The following NR2E3 variants were observed in gnomAD, a reference collection of about 807,000 sequenced individuals.
NR2E3 encodes nuclear receptor subfamily 2 group E member 3, also known as photoreceptor-specific nuclear receptor.
In NR2E3, 38 loss-of-function variants were observed where a neutral mutation model predicts 37.6. The observed-to-expected ratio is 1.01, with a 90% CI of 0.78 to 1.33. The LOEUF is 1.33. Ranked by LOEUF, NR2E3 falls within the 40% of genes most tolerant of loss-of-function variation. NR2E3 has a pLI of 0.00. For missense variants in NR2E3, 562 were observed against 558.7 expected (o/e 1.01, Z -0.06); for synonymous variants, 235 against 225.1 (o/e 1.04, Z -0.39).
chr15:71,813,328 C>T lies in NR2E3; in HGVS notation c.748-61C>T. 6.4e-7 allele frequency: 1 copy of T among 1,574,420 alleles called. No homozygotes were observed. The highest frequency in any genetic ancestry group is 2.3e-5 in the East Asian group (1 of 43,116). Reference sequence around the variant, plus strand: ...TGGGTGCCTGAGATGGTGGCAGAGGCTCCAGACTGAGCCAGAGAAGCTGTG... The same window carrying T: ...TGGGTGCCTGAGATGGTGGCAGAGGTTCCAGACTGAGCCAGAGAAGCTGTG... On this transcript the variant is annotated intron_variant, in intron 5 of 7. Transcript: ENST00000617575. This position sits in a 1 kb window ranked among gnomAD's most constrained non-coding sequence, Gnocchi z 4.7.
Position 71,813,646 on chromosome 15 carries a change from C to T in NR2E3, c.994+11C>T. ...TCCTCTTCAAGCCAGGTAACTGAGT[C>T]TCTGCCCAAACCTTGAGTGGGAATT... On this transcript the variant is annotated intron_variant, in intron 6 of 7. Transcript: ENST00000617575. This position sits in a 1 kb window ranked among gnomAD's most constrained non-coding sequence, Gnocchi z 4.7. The T allele has an allele frequency of 1.2e-6, 2 of 1,613,344 alleles. No homozygotes were observed. The highest frequency in any genetic ancestry group is 1.7e-6 in the Non-Finnish European group (2 of 1,179,878).
At position 71,811,922 on chromosome 15, in the gene NR2E3, G is replaced by A; in HGVS notation, c.350-33G>A. ...GTGACAAGAAATGGGCAGCGGGACTGGCGTGTCGTCCTGACCCTTCCTGCC... is the reference window on the plus strand; with the variant it reads ...GTGACAAGAAATGGGCAGCGGGACTAGCGTGTCGTCCTGACCCTTCCTGCC... On this transcript the variant is annotated intron_variant, in intron 3 of 7. Transcript: ENST00000617575. The surrounding 1 kb of genome is among the most constrained non-coding windows in gnomAD (Gnocchi z 5.6). 1 of 1,549,072 alleles carries A rather than the reference G, an allele frequency of 6.5e-7. No individual in the cohort carries two copies. Among genetic ancestry groups the A allele is most frequent in the Admixed American group, 2.0e-5 (1 of 50,978 alleles).
At position 71,813,992 on chromosome 15, in the gene NR2E3, C is replaced by T. The variant is rs1567160911; in HGVS notation, c.995-20C>T. On this transcript the variant is annotated intron_variant, in intron 6 of 7. Transcript: ENST00000617575. The surrounding 1 kb of genome is among the most constrained non-coding windows in gnomAD (Gnocchi z 4.7). ...CAGCCGTAAACCTGTGCTAAGCTCACTGGTGCTGCTTCTCCCCAGAGACGC... is the reference window on the plus strand; with the variant it reads ...CAGCCGTAAACCTGTGCTAAGCTCATTGGTGCTGCTTCTCCCCAGAGACGC... 1 of 1,605,046 alleles carries T rather than the reference C, an allele frequency of 6.2e-7. No homozygotes were observed. Among genetic ancestry groups the T allele is most frequent in the Non-Finnish European group, 8.5e-7 (1 of 1,176,544 alleles).
Position 71,811,790 on chromosome 15 carries a change from C to T in NR2E3, c.270C>T (p.Cys90=), listed in dbSNP as rs1348599504. Residue 90 remains cysteine, a synonymous_variant, in exon 3 of 8, where the codon TGC becomes TGT. Coordinates refer to ENST00000617575, the MANE Select transcript of NR2E3 (RefSeq NM_014249.4). The surrounding 1 kb of genome is among the most constrained non-coding windows in gnomAD (Gnocchi z 5.6). ...GGTGCCAGGTGGGGGCAGGGATGTG[C>T]CCCGTGGACAAGGCCCACCGCAACC... ...IYRCQVGAGM[C]PVDKAHRNQC... 3 of 1,551,230 alleles carry T rather than the reference C, an allele frequency of 1.9e-6. No homozygotes were observed. The highest frequency in any genetic ancestry group is 2.6e-6 in the Non-Finnish European group (3 of 1,146,948).
chr15:71,812,554 G>A (rs764654764), intron 5 of NR2E3, 43 bp downstream of exon 5: 1 of 1,543,182 alleles, frequency 6.5e-7, no homozygotes, highest in Non-Finnish European at 8.8e-7. Context: ...CTGGGCTGGG[G>A]TCAGGCGGCC....
At position 71,812,055 on chromosome 15, in the gene NR2E3, G is replaced by A. The variant is rs746581775; in HGVS notation, c.450G>A (p.Pro150=). ...ESRPESLVAP[P]APAGRSPRGP... ...GGCCGGAGTCCCTGGTGGCTCCCCCGGCCCCGGCAGGGCGCAGCCCACGGG... is the reference window on the plus strand; with the variant it reads ...GGCCGGAGTCCCTGGTGGCTCCCCCAGCCCCGGCAGGGCGCAGCCCACGGG... The change falls in exon 4 of 8, where the codon CCG becomes CCA. Residue 150 remains proline, a synonymous_variant. Transcript: ENST00000617575. 6.1e-5 allele frequency: 95 copies of A among 1,552,854 alleles called. No individual in the cohort carries two copies. The highest frequency in any genetic ancestry group is 3.1e-4 in the South Asian group (26 of 84,168).
At position 71,811,005 on chromosome 15, in the gene NR2E3, G is replaced by A. The variant is rs898682539; in HGVS notation, c.118+144G>A. On this transcript the variant is annotated intron_variant, in intron 1 of 7. Transcript: ENST00000617575. The surrounding 1 kb of genome is among the most constrained non-coding windows in gnomAD (Gnocchi z 5.6). ...TGGGCAAGGGTGGGGTAGCCTGTGGGTAAACCCAGAATCCTAGAAACACGG... is the reference window on the plus strand; with the variant it reads ...TGGGCAAGGGTGGGGTAGCCTGTGGATAAACCCAGAATCCTAGAAACACGG... The A allele has an allele frequency of 8.4e-6, 5 of 597,210 alleles. No individual in the cohort carries two copies. Among genetic ancestry groups the A allele is most frequent in the Admixed American group, 3.6e-5 (1 of 27,530 alleles). 37.0% of individuals were successfully genotyped at this position (597,210 alleles called of 1,614,324 possible).
rs555383598 is a variant in NR2E3 at position 71,817,038 on chromosome 15, C to A, written c.1101-514C>A. Among the ~76,000 whole-genome samples, 9 of 151,578 alleles carry A rather than the reference C, an allele frequency of 5.9e-5. No homozygotes were observed. In the South Asian group the frequency reaches 1.7e-3, roughly 28 times the overall value. ...CACTCCTAAACTAAATAGAGGGTGG[C>A]GGCTCACAATGGGTCGAGGTAGGTG... On this transcript the variant is annotated intron_variant, in intron 7 of 7. Coordinates refer to ENST00000617575, the MANE Select transcript of NR2E3 (RefSeq NM_014249.4).
rs2054239797 is a variant in NR2E3 at position 71,817,884 on chromosome 15, CA to C, written c.*202del. The C allele has an allele frequency of 2.3e-6, 1 of 425,770 alleles. No individual in the cohort carries two copies. Among genetic ancestry groups the C allele is most frequent in the Non-Finnish European group, 4.2e-6 (1 of 237,714 alleles). The allele number at this position is 425,770 out of a possible 1,614,324, so 26.4% of individuals were successfully genotyped here. ...GTATATTGATGGTAGGATGAATTAACAAGTTGTGGTATATTCATATAATGAA... is the reference window on the plus strand; with the variant it reads ...GTATATTGATGGTAGGATGAATTAACAGTTGTGGTATATTCATATAATGAA... On this transcript the variant is annotated 3_prime_UTR_variant, in exon 8 of 8. Coordinates refer to ENST00000617575, the MANE Select transcript of NR2E3 (RefSeq NM_014249.4).
At chr15:71,812,709 G>A (rs1291015313) in intron 5 of NR2E3, among the ~76,000 whole-genome samples, 198 bp downstream of exon 5, 1 of 152,178 alleles carries the variant, frequency 6.6e-6, no homozygotes, top group Non-Finnish European at 1.5e-5. Flanking sequence ...GGGGGTGCAT[G>A]CATCTCTGGC....
rs996716083 is a variant in NR2E3, at chr15:71,811,363, G to A, written c.119-120G>A. 1.3e-5 allele frequency: 12 copies of A among 916,304 alleles called. No homozygotes were observed. Among genetic ancestry groups the A allele is most frequent in the Admixed American group, 2.4e-5 (1 of 41,800 alleles). 56.8% of individuals were successfully genotyped at this position (916,304 alleles called of 1,614,324 possible). On this transcript the variant is annotated intron_variant, in intron 1 of 7. Coordinates refer to ENST00000617575, the MANE Select transcript of NR2E3 (RefSeq NM_014249.4). This position sits in a 1 kb window ranked among gnomAD's most constrained non-coding sequence, Gnocchi z 5.6. ...AGATGGAAGAGTCACGCGTGGGTTC[G>A]TTCAAATGCGGGTGAGCGGGGCCTG...
chr15:71,811,445 A>AGCCCTGCCCTG lies in NR2E3; in HGVS notation c.119-33_119-23dup. The stretch of plus-strand genomic sequence containing the variant: ...GGAGCGTGCAGCCCTGCCCCGGCCC[A>AGCCCTGCCCTG]GCCCTGCCCTGGCCCAGCCCTGCCC... On this transcript the variant is annotated intron_variant, in intron 1 of 7. Coordinates refer to ENST00000617575, the MANE Select transcript of NR2E3 (RefSeq NM_014249.4). This position sits in a 1 kb window ranked among gnomAD's most constrained non-coding sequence, Gnocchi z 5.6. 1 of 1,485,454 alleles carries AGCCCTGCCCTG rather than the reference A, an allele frequency of 6.7e-7. No homozygotes were observed. 92.0% of individuals were successfully genotyped at this position (1,485,454 alleles called of 1,614,324 possible).
chr15:71,816,555 C>T (rs540837257), intron 7 of NR2E3, among the ~76,000 whole-genome samples: 128 of 152,058 alleles, frequency 8.4e-4, no homozygotes, highest in Middle Eastern at 3.4e-3. Context: ...CCACCACGCT[C>T]AGCCAGCAAA....
chr15:71,811,539 T>C lies in NR2E3; in HGVS notation c.175T>C (p.Tyr59His), dbSNP rs773794490. 6.3e-7 allele frequency: 1 copy of C among 1,590,228 alleles called. No individual in the cohort carries two copies. The highest frequency in any genetic ancestry group is 8.6e-7 in the Non-Finnish European group (1 of 1,168,820). The change falls in exon 2 of 8, where the codon TAT becomes CAT. Residue 59 changes from tyrosine (Y) to histidine (H), a missense_variant. Tyr to His is a moderately conservative substitution (Grantham distance 83, BLOSUM62 2). Transcript: ENST00000617575. The surrounding 1 kb of genome is among the most constrained non-coding windows in gnomAD (Gnocchi z 5.6). ...CGGAGACAGCAGCAGCGGGAAGCACTATGGCATCTATGCCTGCAACGGCTG... is the reference window on the plus strand; with the variant it reads ...CGGAGACAGCAGCAGCGGGAAGCACCATGGCATCTATGCCTGCAACGGCTG... ...VCGDSSSGKH[Y>H]GIYACNGCSG... is the part of the protein sequence containing the mutation.
chr15:71,811,590 C>G lies in NR2E3; in HGVS notation c.226C>G (p.Arg76Gly). The G allele has an allele frequency of 6.2e-7, 1 of 1,603,922 alleles. No individual in the cohort carries two copies. The highest frequency in any genetic ancestry group is 8.5e-7 in the Non-Finnish European group (1 of 1,175,874). Residue 76 changes from arginine to glycine, a missense_variant, in exon 2 of 8, where the codon CGG (arginine) becomes GGG (glycine). Transcript: ENST00000617575. The surrounding 1 kb of genome is among the most constrained non-coding windows in gnomAD (Gnocchi z 5.6). The stretch of plus-strand genomic sequence containing the variant: ...CAGCGGCTTCTTCAAGAGGAGCGTA[C>G]GGCGGAGGCTCATCTACAGGTGAGT... ...GCSGFFKRSV[R>G]RRLIYRCQVG...
Position 71,811,215 on chromosome 15 carries a change from G to C in NR2E3, c.119-268G>C, listed in dbSNP as rs529540329. 6.6e-6 allele frequency among the ~76,000 whole-genome samples: 1 copy of C among 152,092 alleles called. No homozygotes were observed. The highest frequency in any genetic ancestry group is 1.5e-5 in the Non-Finnish European group (1 of 68,006). On this transcript the variant is annotated intron_variant, in intron 1 of 7. Transcript: ENST00000617575. The surrounding 1 kb of genome is among the most constrained non-coding windows in gnomAD (Gnocchi z 5.6). Reference sequence around the variant, plus strand: ...GAAGCCACCCACAGAGAAGGGATGGGAGCTGGGAAAGTGGAGCTAGGGCTC... The same window carrying C: ...GAAGCCACCCACAGAGAAGGGATGGCAGCTGGGAAAGTGGAGCTAGGGCTC...
At chr15:71,814,870 G>C (rs1273981051) in intron 7 of NR2E3, 2 of 985,496 alleles carry the variant, frequency 2.0e-6, no homozygotes, top group African/African-American at 3.5e-5. Context: ...TCTAGGAGTT[G>C]AAATGGGTCA....
Position 71,811,566 on chromosome 15 carries a change from A to C in NR2E3, c.202A>C (p.Ser68Arg). The C allele has an allele frequency of 6.2e-7, 1 of 1,603,328 alleles. No homozygotes were observed. Among genetic ancestry groups the C allele is most frequent in the Non-Finnish European group, 8.5e-7 (1 of 1,175,524 alleles). ...TGGCATCTATGCCTGCAACGGCTGC[A>C]GCGGCTTCTTCAAGAGGAGCGTACG... ...HYGIYACNGCSGFFKRSVRRR... is the reference protein window; with the variant it reads ...HYGIYACNGCRGFFKRSVRRR... Residue 68 changes from serine (S) to arginine (R), a missense_variant, in exon 2 of 8, where the codon AGC becomes CGC. Coordinates refer to ENST00000617575, the MANE Select transcript of NR2E3 (RefSeq NM_014249.4). The surrounding 1 kb of genome is among the most constrained non-coding windows in gnomAD (Gnocchi z 5.6).
At chr15:71,814,261 G>A in intron 7 of NR2E3, 144 bp downstream of exon 7, 1 of 1,438,722 alleles carries the variant, frequency 7.0e-7, no homozygotes, top group South Asian at 1.5e-5. Flanking sequence ...TGGTGTCCCA[G>A]GCACAGTGCC....
Sources: gnomAD v4.1 joint callset for allele counts (sites outside exome capture counted in the v4.1 genomes callset) on GRCh38, gnomAD v4.1.1 for gene constraint, Gnocchi (gnomAD v3.1) non-coding constraint, MANE v1.5 for transcripts, NCBI Gene and HGNC (gene_info 2026-07-23, HGNC 2026-07-21) for gene names.